The following SEMA3A variants were observed in gnomAD, a reference collection of about 807,000 sequenced individuals.
The protein encoded by SEMA3A is semaphorin-3A.
SEMA3A carries 29 observed loss-of-function variants against 97.9 expected under a neutral mutation model. The observed-to-expected ratio is 0.30, with a 90% CI of 0.22 to 0.40. The LOEUF is 0.40. SEMA3A is among the 10% of genes least tolerant of loss of function. The pLI is 1.00. For missense variants in SEMA3A, 763 were observed against 951.3 expected, an observed-to-expected ratio of 0.80 and a Z score of 2.60; for synonymous variants, 321 against 323.7, an observed-to-expected ratio of 0.99 and a Z score of 0.09.
intron 4 of SEMA3A, among the ~76,000 whole-genome samples, chr7:84,082,072 G>C (rs1794185175): frequency 6.6e-6 from 1 of 151,992 alleles, no homozygotes. Context: ...GTTAAGGGTG[G>C]TTTGCCCCAA....
chr7:84,183,716 T>A (rs144919556), intron 1 of SEMA3A, among the ~76,000 whole-genome samples: 1 of 152,082 alleles, frequency 6.6e-6, no homozygotes, highest in Non-Finnish European at 1.5e-5. Flanking sequence ...TCCAAGAAAG[T>A]AAAATTTTAC....
At chr7:84,374,821 C>G (rs866102578) in intron 1 of SEMA3A, among the ~76,000 whole-genome samples, 36 of 152,126 alleles carry the variant, frequency 2.4e-4, no homozygotes, top group African/African-American at 8.7e-4. Context: ...ATATGATTGA[C>G]AGTATATAGG....
At position 83,993,879 on chromosome 7, in the gene SEMA3A, G is replaced by C. The variant is rs1584519018; in HGVS notation, c.1452+8076C>G. Among the ~76,000 whole-genome samples the C allele has an allele frequency of 2.3e-5, 3 of 130,686 alleles. No homozygotes were observed. The South Asian group carries it at 8.4e-4, about 36-fold the overall frequency. The allele number at this position is 130,686 out of a possible 152,430, so 85.7% of individuals were successfully genotyped here. Reference sequence around the variant, plus strand: ...CGTTGGCTTGCCTTGCTAGATTGGGGAAGTTCTCCTGGATAATATCCTGCA... The same window carrying C: ...CGTTGGCTTGCCTTGCTAGATTGGGCAAGTTCTCCTGGATAATATCCTGCA... On this transcript the variant is annotated intron_variant, in intron 12 of 16. Transcript: ENST00000265362.
chr7:84,424,590 TAA>T (rs1804712292), intron 1 of SEMA3A, among the ~76,000 whole-genome samples: 1 of 76,938 alleles, frequency 1.3e-5, no homozygotes, highest in Non-Finnish European at 2.0e-5. Context: ...ATATTATATA[TAA>T]TATATAAATA....
chr7:84,177,598 G>A (rs1314829746), intron 1 of SEMA3A, among the ~76,000 whole-genome samples: 1 of 151,798 alleles, frequency 6.6e-6, no homozygotes. Context: ...AAAGTATATT[G>A]AGAAAAAAAC....
chr7:84,405,383 A>T (rs913678665), intron 1 of SEMA3A, among the ~76,000 whole-genome samples: 1 of 152,244 alleles, frequency 6.6e-6, no homozygotes, highest in Non-Finnish European at 1.5e-5. Context: ...ATTAACACCC[A>T]GATTCATAAA....
intron 1 of SEMA3A, among the ~76,000 whole-genome samples, chr7:84,396,525 T>G (rs1026867774): frequency 1.2e-4 from 18 of 151,998 alleles, no homozygotes; most frequent in African/African-American, 4.1e-4. Flanking sequence ...TAATAATAAG[T>G]TCAATATATT....
At chr7:84,437,151 C>T (rs114267925) in intron 1 of SEMA3A, among the ~76,000 whole-genome samples, 2,362 of 152,032 alleles carry the variant, frequency 0.016, 65 homozygotes, top group African/African-American at 0.053. Context: ...TGAGGTGATT[C>T]TTAAAGGGTT....
At chr7:84,332,737 G>T (rs904193302) in intron 2 of SEMA3A, among the ~76,000 whole-genome samples, 4 of 151,736 alleles carry the variant, frequency 2.6e-5, no homozygotes, top group African/African-American at 9.7e-5. Flanking sequence ...AAGCATAGAA[G>T]AAAAAATAAT....
At chr7:84,156,990 A>C (rs1029294211) in intron 1 of SEMA3A, among the ~76,000 whole-genome samples, 26 of 152,134 alleles carry the variant, frequency 1.7e-4, no homozygotes, top group Non-Finnish European at 5.9e-5. Flanking sequence ...CATGTATAGA[A>C]TTTGTTTTGT....
chr7:84,418,690 C>T (rs181211093), intron 1 of SEMA3A, among the ~76,000 whole-genome samples: 3 of 152,142 alleles, frequency 2.0e-5, no homozygotes, highest in African/African-American at 2.4e-5. Context: ...AGTACTCTGG[C>T]ACTTGTACCA....
chr7:84,346,655 A>G (rs995370121), intron 2 of SEMA3A, among the ~76,000 whole-genome samples: 6 of 152,190 alleles, frequency 3.9e-5, no homozygotes, highest in East Asian at 1.9e-4. Flanking sequence ...GCCGTCTTAT[A>G]TGGGCATAGT....
intron 15 of SEMA3A, among the ~76,000 whole-genome samples, chr7:83,965,666 A>T (rs28453041): frequency 0.055 from 649 of 11,782 alleles, 49 homozygotes; most frequent in East Asian, 0.1. Context: ...ATATATATAT[A>T]TTTTTTTTTT....
intron 1 of SEMA3A, among the ~76,000 whole-genome samples, chr7:84,451,659 T>G (rs898545130): frequency 9.9e-5 from 15 of 152,176 alleles, no homozygotes; most frequent in Non-Finnish European, 7.4e-5. Flanking sequence ...ACTTTACAAA[T>G]TGACACGGTT....
intron 4 of SEMA3A, among the ~76,000 whole-genome samples, chr7:84,095,370 T>C (rs950745951): frequency 0.018 from 986 of 54,054 alleles, 20 homozygotes; most frequent in Admixed American, 0.022. Flanking sequence ...TATATATATA[T>C]ATATATATAT....
intron 3 of SEMA3A, among the ~76,000 whole-genome samples, chr7:84,254,901 G>A (rs1396001300): frequency 6.6e-6 from 1 of 152,062 alleles, no homozygotes; most frequent in Non-Finnish European, 1.5e-5. Flanking sequence ...AGTTAATGAA[G>A]TATTATTTGC....
intron 1 of SEMA3A, among the ~76,000 whole-genome samples, chr7:84,159,266 T>G (rs920756721): frequency 6.6e-6 from 1 of 152,190 alleles, no homozygotes; most frequent in Non-Finnish European, 1.5e-5. Flanking sequence ...AAATTATTAT[T>G]CACATTTTAG....
At chr7:84,481,811 AG>A (rs1213331759) in intron 1 of SEMA3A, among the ~76,000 whole-genome samples, 1 of 151,886 alleles carries the variant, frequency 6.6e-6, no homozygotes, top group East Asian at 1.9e-4. Flanking sequence ...ATTTGTGATA[AG>A]CACTCAAAAG....
intron 6 of SEMA3A, among the ~76,000 whole-genome samples, chr7:84,040,957 C>T (rs764029667): frequency 6.6e-6 from 1 of 152,036 alleles, no homozygotes; most frequent in Non-Finnish European, 1.5e-5. Flanking sequence ...GATTCCTACT[C>T]TCATCAACTG....
Sources: gnomAD v4.1 joint callset for allele counts (sites outside exome capture counted in the v4.1 genomes callset) on GRCh38, gnomAD v4.1.1 for gene constraint, MANE v1.5 for transcripts, NCBI Gene and HGNC (gene_info 2026-07-23, HGNC 2026-07-21) for gene names.